The following CHRM3 variants were observed in gnomAD, a reference collection of about 807,000 sequenced individuals.
CHRM3 encodes muscarinic acetylcholine receptor M3.
In CHRM3, 11 loss-of-function variants were observed where a neutral mutation model predicts 41.8. The observed-to-expected ratio is 0.26, with a 90% CI of 0.17 to 0.44. The LOEUF is 0.44. Ranked by LOEUF, CHRM3 falls within the 20% of genes least tolerant of loss-of-function variation. The probability of loss-of-function intolerance (pLI) is 1.00; values close to 1 mark genes in which losing one functional copy is unlikely to be tolerated. For missense variants in CHRM3, 571 were observed against 745.4 expected (o/e 0.77, Z 2.72); for synonymous variants, 297 against 301.4 (o/e 0.99, Z 0.15).
chr1:239,637,295 ATG>A (rs1425020355), intron 4 of CHRM3, among the ~76,000 whole-genome samples: 1 of 152,122 alleles, frequency 6.6e-6, no homozygotes, highest in Non-Finnish European at 1.5e-5. Flanking sequence ...TGCGTAGAAA[ATG>A]TGCATAATAT....
At chr1:239,796,692 C>T (rs1393020897) in intron 5 of CHRM3, among the ~76,000 whole-genome samples, 1 of 152,126 alleles carries the variant, frequency 6.6e-6, no homozygotes, top group African/African-American at 2.4e-5. Context: ...AGTCACACTG[C>T]AAGACCTTTT....
intron 6 of CHRM3, among the ~76,000 whole-genome samples, chr1:239,881,408 GA>G (rs892453856): frequency 4.0e-5 from 6 of 149,548 alleles, no homozygotes; most frequent in Admixed American, 6.7e-5. Context: ...AAAGGGAAAG[GA>G]AAAAAAAATG....
chr1:239,756,999 CTATT>C (rs1261619417), intron 5 of CHRM3, among the ~76,000 whole-genome samples: 3 of 152,124 alleles, frequency 2.0e-5, no homozygotes, highest in African/African-American at 4.8e-5. Context: ...TATCCATACT[CTATT>C]TAGTGGAATT....
intron 2 of CHRM3, among the ~76,000 whole-genome samples, chr1:239,505,030 C>T (rs1668475917): frequency 6.6e-6 from 1 of 152,082 alleles, no homozygotes; most frequent in Admixed American, 6.5e-5. Flanking sequence ...CTCATGTAAC[C>T]AAATACCACC....
At chr1:239,817,769 G>A (rs571388763) in intron 5 of CHRM3, among the ~76,000 whole-genome samples, 1 of 152,148 alleles carries the variant, frequency 6.6e-6, no homozygotes, top group South Asian at 2.1e-4. Context: ...CACACTCAGG[G>A]AACTGTGATT....
chr1:239,579,329 G>C (rs1038079609), intron 3 of CHRM3, among the ~76,000 whole-genome samples: 7 of 152,124 alleles, frequency 4.6e-5, no homozygotes, highest in African/African-American at 1.7e-4. Flanking sequence ...CCATCACTGT[G>C]CTAATCTATT....
intron 1 of CHRM3, among the ~76,000 whole-genome samples, chr1:239,405,166 G>A (rs1660497211): frequency 6.6e-6 from 1 of 152,070 alleles, no homozygotes; most frequent in African/African-American, 2.4e-5. Flanking sequence ...TTAATGTAAA[G>A]TAGTACATTA....
At chr1:239,630,155 A>C (rs915164338) in intron 3 of CHRM3, among the ~76,000 whole-genome samples, 1 of 152,240 alleles carries the variant, frequency 6.6e-6, no homozygotes, top group Non-Finnish European at 1.5e-5. Flanking sequence ...CATTTAGTGA[A>C]CAAGATATTG....
intron 3 of CHRM3, among the ~76,000 whole-genome samples, chr1:239,611,093 AT>A (rs1666974560): frequency 6.6e-6 from 1 of 152,048 alleles, no homozygotes; most frequent in African/African-American, 2.4e-5. Flanking sequence ...ACAGTAATGA[AT>A]TTTTTAGCAA....
At chr1:239,396,513 T>G (rs1309602508) in intron 1 of CHRM3, among the ~76,000 whole-genome samples, 1 of 152,096 alleles carries the variant, frequency 6.6e-6, no homozygotes, top group Non-Finnish European at 1.5e-5. Flanking sequence ...TATGGGAGGC[T>G]GAGGCAAGGA....
chr1:239,531,639 ATTTTTTTTTTTTTTTT>A lies in CHRM3; in HGVS notation c.-421-13980_-421-13965del, dbSNP rs58433814. Among the ~76,000 whole-genome samples, 124 of 55,874 alleles carry A rather than the reference ATTTTTTTTTTTTTTTT, an allele frequency of 2.2e-3. 2 individuals are homozygous for A. Among genetic ancestry groups the A allele is most frequent in the African/African-American group, 0.01 (115 of 11,304 alleles). The allele number at this position is 55,874 out of a possible 152,430, so 36.7% of individuals were successfully genotyped here. A position where few individuals can be genotyped will look rare whatever the true frequency, so the allele number is the denominator to read the frequency against. On this transcript the variant is annotated intron_variant, in intron 2 of 6. Transcript: ENST00000676153. Reference sequence around the variant, plus strand: ...ATAAAAACTAATCTCTCTAGAATGGATTTTTTTTTTTTTTTTTTTTTTTTTTTTTTTTTTTTTGGAG... The same window carrying A: ...ATAAAAACTAATCTCTCTAGAATGGATTTTTTTTTTTTTTTTTTTTTGGAG...
chr1:239,642,842 C>A (rs1671333667), intron 4 of CHRM3, among the ~76,000 whole-genome samples: 1 of 152,190 alleles, frequency 6.6e-6, no homozygotes, highest in Admixed American at 6.5e-5. Flanking sequence ...GAGAGGCGCT[C>A]TGTTTTTAGA....
At chr1:239,825,597 C>T (rs1572412223) in intron 5 of CHRM3, among the ~76,000 whole-genome samples, 1 of 152,174 alleles carries the variant, frequency 6.6e-6, no homozygotes, top group African/African-American at 2.4e-5. Flanking sequence ...CAGCATTATT[C>T]ACAATACCCA....
At chr1:239,425,605 C>A (rs922506551) in intron 1 of CHRM3, among the ~76,000 whole-genome samples, 1 of 152,112 alleles carries the variant, frequency 6.6e-6, no homozygotes, top group Non-Finnish European at 1.5e-5. Context: ...CTTGGTTCCT[C>A]ACTTAACCAG....
At position 239,899,125 on chromosome 1, in the gene CHRM3, C is replaced by T. The variant is rs568834874; in HGVS notation, c.-19-8308C>T. ...TCATGACTATAGACATAATTTTATACGTGTGTGTATGTCGAGCAAAAATTT... is the reference window on the plus strand; with the variant it reads ...TCATGACTATAGACATAATTTTATATGTGTGTGTATGTCGAGCAAAAATTT... On this transcript the variant is annotated intron_variant, in intron 6 of 6. Coordinates refer to ENST00000676153, the MANE Select transcript of CHRM3 (RefSeq NM_001375978.1). Among the ~76,000 whole-genome samples the T allele has an allele frequency of 1.7e-4, 26 of 152,074 alleles. No individual in the cohort carries two copies. In the East Asian group the frequency reaches 3.3e-3, roughly 19 times the overall value.
intron 6 of CHRM3, among the ~76,000 whole-genome samples, chr1:239,895,933 A>G (rs1245757686): frequency 5.9e-5 from 9 of 152,234 alleles, no homozygotes; most frequent in Admixed American, 5.2e-4. Flanking sequence ...TAATTTACCT[A>G]TGTAACAAAC....
At chr1:239,899,327 ATATC>A (rs1490244893) in intron 6 of CHRM3, among the ~76,000 whole-genome samples, 3 of 149,746 alleles carry the variant, frequency 2.0e-5, no homozygotes, top group South Asian at 4.2e-4. Flanking sequence ...ACACGCATAT[ATATC>A]TATTGAATTT....
chr1:239,504,386 AT>A (rs1478145057), intron 2 of CHRM3, among the ~76,000 whole-genome samples: 1 of 152,146 alleles, frequency 6.6e-6, no homozygotes, highest in African/African-American at 2.4e-5. Context: ...TCCTGCAAGA[AT>A]GGCCATAATC....
intron 5 of CHRM3, among the ~76,000 whole-genome samples, chr1:239,774,503 C>G (rs1195188803): frequency 6.6e-6 from 1 of 152,090 alleles, no homozygotes; most frequent in Admixed American, 6.6e-5. Context: ...TAAATCAGTG[C>G]AGAATGAAAT....
Sources: allele counts gnomAD v4.1 joint callset (sites outside exome capture counted in the v4.1 genomes callset), GRCh38; gene constraint gnomAD v4.1.1; transcripts MANE v1.5; gene names NCBI Gene and HGNC (gene_info 2026-07-23, HGNC 2026-07-21).